The following HECW1 variants were observed in gnomAD, a reference collection of about 807,000 sequenced individuals.
HECW1 encodes HECT, C2 and WW domain containing E3 ubiquitin protein ligase 1, also known as E3 ubiquitin-protein ligase HECW1.
HECW1 carries 61 observed loss-of-function variants against 182.3 expected under a neutral mutation model. The ratio of observed to expected loss-of-function variants is 0.33; its 90% CI spans 0.27 to 0.41. HECW1 has a LOEUF of 0.41. Ranked by LOEUF, HECW1 falls within the 10% of genes least tolerant of loss-of-function variation. HECW1 has a pLI of 1.00. For synonymous variants in HECW1, 859 were observed against 832.6 expected, an observed-to-expected ratio of 1.03 and a Z score of -0.55; for missense variants, 1,739 against 2,108.9, an observed-to-expected ratio of 0.82 and a Z score of 3.44.
At chr7:43,128,015 A>G (rs1288247380) in intron 2 of HECW1, among the ~76,000 whole-genome samples, 1 of 152,126 alleles carries the variant, frequency 6.6e-6, no homozygotes, top group Admixed American at 6.5e-5. Flanking sequence ...AGTAGCAGGA[A>G]CAACAGGTGC....
At chr7:43,506,276 A>G (rs2079573084) in intron 21 of HECW1, among the ~76,000 whole-genome samples, 1 of 152,192 alleles carries the variant, frequency 6.6e-6, no homozygotes, top group Non-Finnish European at 1.5e-5. Context: ...TACTTACCTC[A>G]TTATAGTTTC....
chr7:43,239,418 A>G (rs1270668604), intron 2 of HECW1, among the ~76,000 whole-genome samples: 2 of 152,104 alleles, frequency 1.3e-5, no homozygotes, highest in Non-Finnish European at 2.9e-5. Flanking sequence ...CCCTTCCTTC[A>G]TGTACCGGGT....
Position 43,276,324 on chromosome 7 carries a change from T to G in HECW1, c.27+32392T>G, listed in dbSNP as rs1803139270. 2.6e-5 allele frequency among the ~76,000 whole-genome samples: 4 copies of G among 152,176 alleles called. No individual in the cohort carries two copies. In the South Asian group the frequency reaches 8.3e-4, roughly 32 times the overall value. On this transcript the variant is annotated intron_variant, in intron 3 of 29. Coordinates refer to ENST00000395891, the MANE Select transcript of HECW1 (RefSeq NM_015052.5). ...TTTGTGTGTGGGGGTCCCCTGAGAA[T>G]TCCCCTTATGTCCCAGCAAGTAAAT...
chr7:43,302,950 T>TGCGTGCGCACACACAC (rs143558132), intron 3 of HECW1, among the ~76,000 whole-genome samples: 1 of 151,594 alleles, frequency 6.6e-6, no homozygotes, highest in Non-Finnish European at 1.5e-5. Flanking sequence ...CACACACACA[T>TGCGTGCGCACACACAC]GCGCGCACAC....
intron 2 of HECW1, among the ~76,000 whole-genome samples, chr7:43,203,169 C>T (rs1309720064): frequency 6.6e-6 from 1 of 151,962 alleles, no homozygotes; most frequent in East Asian, 1.9e-4. Flanking sequence ...ATGCCCAGCC[C>T]TCTCCTTGCC....
chr7:43,477,599 T>C (rs757815429), intron 16 of HECW1, among the ~76,000 whole-genome samples: 1 of 152,198 alleles, frequency 6.6e-6, no homozygotes, highest in Non-Finnish European at 1.5e-5. Context: ...TCAGTTCCAA[T>C]TGAACATACA....
At chr7:43,405,281 TA>T (rs754250634) in intron 7 of HECW1, among the ~76,000 whole-genome samples, 91 of 152,158 alleles carry the variant, frequency 6.0e-4, no homozygotes, top group Non-Finnish European at 1.2e-3. Flanking sequence ...CACACTCTAA[TA>T]AGTCAGGATC....
At chr7:43,505,320 A>T (rs968897500) in intron 21 of HECW1, among the ~76,000 whole-genome samples, 1 of 152,082 alleles carries the variant, frequency 6.6e-6, no homozygotes, top group African/African-American at 2.4e-5. Context: ...TCTTAAATAC[A>T]TCTCCTCTCT....
intron 2 of HECW1, among the ~76,000 whole-genome samples, chr7:43,242,333 T>C (rs1257143302): frequency 6.6e-6 from 1 of 151,740 alleles, no homozygotes; most frequent in East Asian, 1.9e-4. Flanking sequence ...GAGGCAGAAA[T>C]GGTGAGAGGC....
rs1367543317 is a variant in HECW1, at chr7:43,184,017, A to AT, written c.-31-59856dup. Among the ~76,000 whole-genome samples, 1,310 of 151,242 alleles carry AT rather than the reference A, an allele frequency of 8.7e-3. 21 individuals are homozygous for AT. The highest frequency in any genetic ancestry group is 0.029 in the African/African-American group (1,202 of 41,226). ...ATTTGCCAATTCTTTTATTATTATT[A>AT]TTATTTTTTTTTTTGAGACAAAGTC... On this transcript the variant is annotated intron_variant, in intron 2 of 29. Transcript: ENST00000395891.
intron 24 of HECW1, among the ~76,000 whole-genome samples, chr7:43,527,896 G>A (rs2080822035): frequency 6.6e-6 from 1 of 152,134 alleles, no homozygotes. Context: ...TCAACTGTTT[G>A]CCTGAGCTCA....
intron 11 of HECW1, among the ~76,000 whole-genome samples, chr7:43,447,193 T>C (rs528682959): frequency 7.2e-5 from 11 of 152,076 alleles, no homozygotes; most frequent in African/African-American, 2.4e-4. Flanking sequence ...TTAAAAAGTG[T>C]ACTGACACTT....
chr7:43,164,007 C>T lies in HECW1; in HGVS notation c.-32+49616C>T, dbSNP rs1790827567. ...GGAGGTGGGCAGGAGTTCATCCTGCCCTGGCTGGCAGATTTCACACAGGGA... is the reference window on the plus strand; with the variant it reads ...GGAGGTGGGCAGGAGTTCATCCTGCTCTGGCTGGCAGATTTCACACAGGGA... On this transcript the variant is annotated intron_variant, in intron 2 of 29. Coordinates refer to ENST00000395891, the MANE Select transcript of HECW1 (RefSeq NM_015052.5). Among the ~76,000 whole-genome samples the T allele has an allele frequency of 2.0e-5, 3 of 152,250 alleles. No homozygotes were observed. The South Asian group carries it at 6.2e-4, about 32-fold the overall frequency.
intron 2 of HECW1, among the ~76,000 whole-genome samples, chr7:43,158,611 G>A (rs1790152459): frequency 6.6e-6 from 1 of 152,020 alleles, no homozygotes; most frequent in African/African-American, 2.4e-5. Flanking sequence ...ATATTCTCCT[G>A]CACAATCCTT....
At chr7:43,428,944 T>G (rs2076444676) in intron 8 of HECW1, among the ~76,000 whole-genome samples, 1 of 151,920 alleles carries the variant, frequency 6.6e-6, no homozygotes, top group African/African-American at 2.4e-5. Context: ...AGAATACATA[T>G]ATGTGTAATA....
intron 3 of HECW1, among the ~76,000 whole-genome samples, chr7:43,277,813 T>A (rs1025367321): frequency 3.3e-5 from 5 of 152,192 alleles, no homozygotes; most frequent in Admixed American, 2.6e-4. Flanking sequence ...CTTTGGAAAT[T>A]CCCCTGGCCC....
At chr7:43,286,681 C>A (rs937581376) in intron 3 of HECW1, among the ~76,000 whole-genome samples, 3 of 152,106 alleles carry the variant, frequency 2.0e-5, no homozygotes, top group Non-Finnish European at 2.9e-5. Context: ...CACCCACCCC[C>A]CCAAAGGTGT....
intron 5 of HECW1, among the ~76,000 whole-genome samples, chr7:43,334,087 A>G (rs1162712791): frequency 4.6e-5 from 7 of 152,232 alleles, no homozygotes; most frequent in African/African-American, 1.7e-4. Flanking sequence ...AGCCAAGTCA[A>G]TGGTTGTGCA....
intron 5 of HECW1, among the ~76,000 whole-genome samples, chr7:43,325,858 G>T (rs1027678212): frequency 6.6e-6 from 1 of 152,132 alleles, no homozygotes; most frequent in Non-Finnish European, 1.5e-5. Context: ...GCACGCTGTG[G>T]TCTCATCATT....
Sources: gnomAD v4.1 joint callset for allele counts (sites outside exome capture counted in the v4.1 genomes callset) on GRCh38, gnomAD v4.1.1 for gene constraint, MANE v1.5 for transcripts, NCBI Gene and HGNC (gene_info 2026-07-23, HGNC 2026-07-21) for gene names.